Variants in PHKA1 observed in about 807,000 individuals in gnomAD.
PHKA1 encodes the protein phosphorylase kinase regulatory subunit alpha 1, also known as phosphorylase b kinase regulatory subunit alpha, skeletal muscle isoform.
In PHKA1, 60 loss-of-function variants were observed where a neutral mutation model predicts 110.2. The observed-to-expected ratio is 0.54, with a 90% CI of 0.44 to 0.68. PHKA1 has a LOEUF of 0.68. PHKA1 is among the 30% of genes least tolerant of loss of function. The pLI is 0.00. For missense variants in PHKA1, 801 were observed against 942.5 expected, an observed-to-expected ratio of 0.85 and a Z score of 1.97; for synonymous variants, 316 against 333.6, an observed-to-expected ratio of 0.95 and a Z score of 0.58.
chrX:72,594,468 A>G (rs782130219), intron 28 of PHKA1, among the ~76,000 whole-genome samples: 95 of 112,160 alleles, frequency 8.5e-4, no homozygotes, highest in African/African-American at 3.0e-3. Context: ...CAGAAAGAAA[A>G]AGGATTATAA....
intron 13 of PHKA1, among the ~76,000 whole-genome samples, 197 bp downstream of exon 13, chrX:72,650,193 A>G (rs1178088979): frequency 8.9e-6 from 1 of 111,850 alleles, no homozygotes; most frequent in Admixed American, 9.5e-5. Context: ...GTCATCTGAC[A>G]TAGAACATCA....
chrX:72,636,409 T>C (rs201822194), intron 14 of PHKA1, 23 bp from the exon 15 acceptor site: 3 of 932,456 alleles, frequency 3.2e-6, no homozygotes, highest in Non-Finnish European at 4.7e-6. Context: ...TGAGAAATGG[T>C]AAAAATATTT....
chrX:72,584,059 T>G (rs1033974301), intron 30 of PHKA1, among the ~76,000 whole-genome samples, 190 bp downstream of exon 30: 2 of 112,611 alleles, frequency 1.8e-5, no homozygotes, highest in Non-Finnish European at 3.8e-5. Context: ...TTTGTCTTCA[T>G]ATAAAGTAAT....
intron 16 of PHKA1, among the ~76,000 whole-genome samples, chrX:72,630,947 T>C (rs1326022182): frequency 3.7e-5 from 4 of 109,376 alleles, no homozygotes; most frequent in African/African-American, 1.0e-4. Flanking sequence ...AAATGTTAAA[T>C]CTTTTGTTAT....
At chrX:72,598,106 AT>A (rs1463752882) in intron 28 of PHKA1, among the ~76,000 whole-genome samples, 1 of 111,719 alleles carries the variant, frequency 9.0e-6, no homozygotes, top group Admixed American at 9.5e-5. Context: ...ATATTTGCAA[AT>A]TTTATATCTT....
At chrX:72,694,431 A>G (rs1206975233) in intron 4 of PHKA1, among the ~76,000 whole-genome samples, 1 of 112,082 alleles carries the variant, frequency 8.9e-6, no homozygotes, top group Non-Finnish European at 1.9e-5. Context: ...CAGGCCCTCG[A>G]ATAGCTAGTC....
At chrX:72,711,600 C>T (rs1161349698) in intron 2 of PHKA1, among the ~76,000 whole-genome samples, 4 of 111,119 alleles carry the variant, frequency 3.6e-5, no homozygotes, top group Middle Eastern at 9.2e-3. Flanking sequence ...AAAAATTAGC[C>T]AGGCGTGGTG....
At chrX:72,592,986 A>G in intron 29 of PHKA1, 118 bp downstream of exon 29, 1 of 534,110 alleles carries the variant, frequency 1.9e-6, no homozygotes, top group Non-Finnish European at 3.4e-6. Flanking sequence ...GGTTTTGTCT[A>G]TCTGAGTTAT....
chrX:72,651,333 TC>T (rs2053427141), intron 12 of PHKA1, among the ~76,000 whole-genome samples: 2 of 111,037 alleles, frequency 1.8e-5, no homozygotes, highest in African/African-American at 6.6e-5. Flanking sequence ...GGTTGGGCTT[TC>T]GAGACCAGCC....
In PHKA1 at chrX:72,618,837, G is replaced by A; in HGVS notation, c.2242C>T (p.Arg748Cys). The A allele has an allele frequency of 1.7e-6, 2 of 1,202,265 alleles. No individual in the cohort carries two copies. Among genetic ancestry groups the A allele is most frequent in the East Asian group, 3.0e-5 (1 of 33,764 alleles). The stretch of plus-strand genomic sequence containing the variant: ...TCTCTAGGAAGATGTATTTCTACAC[G>A]AACAGAGGGAACCTTTAGTTTGAGA... ...PRQENQVPSV[R>C]VEIHLPRDQS... The change falls in exon 21 of 32, where the codon CGT becomes TGT. Residue 748 changes from arginine to cysteine, a missense_variant. This residue lies in a region of PHKA1 where 502 missense variants were observed against 519.2 expected (regional missense o/e 0.97). Coordinates refer to ENST00000373542, the MANE Select transcript of PHKA1 (RefSeq NM_002637.4).
chrX:72,622,086 A>T (rs1303431691), intron 18 of PHKA1: 1 of 737,353 alleles, frequency 1.4e-6, no homozygotes, highest in African/African-American at 2.3e-5. Context: ...GTTATTACTG[A>T]TAACAGTAAA....
intron 4 of PHKA1, among the ~76,000 whole-genome samples, chrX:72,687,701 T>C (rs1943230176): frequency 9.0e-6 from 1 of 111,722 alleles, no homozygotes; most frequent in African/African-American, 3.3e-5. Context: ...AAAAAACTTC[T>C]TTCTCTATTA....
rs1348312065 is a variant in PHKA1, at chrX:72,672,897, G to A, written c.618+3173C>T. Among the ~76,000 whole-genome samples the A allele has an allele frequency of 4.5e-5, 5 of 111,759 alleles. No individual in the cohort carries two copies. The South Asian group carries it at 1.5e-3, about 34-fold the overall frequency. ...AAAACACATAACCTGAACCTATATC[G>A]TGAGGAAATATCACACAAAATCAAA... On this transcript the variant is annotated intron_variant, in intron 6 of 31. Transcript: ENST00000373542.
chrX:72,646,480 A>G (rs2053361340), intron 13 of PHKA1, among the ~76,000 whole-genome samples: 1 of 112,073 alleles, frequency 8.9e-6, no homozygotes, highest in Non-Finnish European at 1.9e-5. Flanking sequence ...GCCTGAATAG[A>G]AGTTAACCTG....
At chrX:72,681,976 G>A (rs1406819138) in intron 5 of PHKA1, among the ~76,000 whole-genome samples, 32 of 52,511 alleles carry the variant, frequency 6.1e-4, no homozygotes, top group Non-Finnish European at 1.1e-3. Flanking sequence ...CGCCCCTACT[G>A]GGAAGTGAGG....
In PHKA1 at chrX:72,595,373, C is replaced by T. The variant is rs1191816640; in HGVS notation, c.3073-2099G>A. On this transcript the variant is annotated intron_variant, in intron 28 of 31. Transcript: ENST00000373542. ...GTGGTTGAAGACTGAAGGCTTCCCC[C>T]CGAAGATCAGAACAAGACAAGAATG... Among the ~76,000 whole-genome samples, 3 of 110,784 alleles carry T rather than the reference C, an allele frequency of 2.7e-5. No homozygotes were observed. The East Asian group carries it at 8.5e-4, about 32-fold the overall frequency.
intron 31 of PHKA1, among the ~76,000 whole-genome samples, chrX:72,581,677 G>C (rs2052339684): frequency 8.9e-6 from 1 of 112,130 alleles, no homozygotes; most frequent in Non-Finnish European, 1.9e-5. Flanking sequence ...TAGATACATG[G>C]ACTGACAGCA....
chrX:72,640,111 A>G (rs1457894576), intron 14 of PHKA1, among the ~76,000 whole-genome samples: 1 of 112,010 alleles, frequency 8.9e-6, no homozygotes, highest in Non-Finnish European at 1.9e-5. Flanking sequence ...TATTTGACCT[A>G]GGGATGGGAC....
intron 2 of PHKA1, among the ~76,000 whole-genome samples, chrX:72,711,740 C>G (rs984181603): frequency 8.1e-5 from 9 of 111,486 alleles, no homozygotes; most frequent in Non-Finnish European, 1.3e-4. Context: ...GAGACTCCGT[C>G]TCAACAACAA....
Sources: allele counts gnomAD v4.1 joint callset (sites outside exome capture counted in the v4.1 genomes callset), GRCh38; gene constraint gnomAD v4.1.1; regional missense constraint gnomAD v4.1.1; transcripts MANE v1.5; gene names NCBI Gene and HGNC (gene_info 2026-07-23, HGNC 2026-07-21).